ZNF804B: variants seen among roughly 807,000 people sequenced by gnomAD.
ZNF804B encodes zinc finger 804B.
In ZNF804B, 80 loss-of-function variants were observed where a neutral mutation model predicts 101.4. The observed-to-expected ratio is 0.79, with a 90% CI of 0.66 to 0.95. The LOEUF is 0.95. ZNF804B is among the 40% of genes least tolerant of loss of function. The pLI, the probability that ZNF804B is intolerant of heterozygous loss-of-function variation, is 0.00. For synonymous variants in ZNF804B, 622 were observed against 558.8 expected (o/e 1.11, Z -1.59); for missense variants, 1,673 against 1,561.9 (o/e 1.07, Z -1.20).
intron 1 of ZNF804B, among the ~76,000 whole-genome samples, chr7:89,028,497 T>C (rs12539143): frequency 0.014 from 2,139 of 152,204 alleles, 26 homozygotes; most frequent in Admixed American, 0.042. Context: ...GGGTGGTGCA[T>C]TTGTGGGGCC....
chr7:89,119,595 T>A (rs908016913), intron 1 of ZNF804B, among the ~76,000 whole-genome samples: 2 of 152,220 alleles, frequency 1.3e-5, no homozygotes, highest in Non-Finnish European at 2.9e-5. Context: ...TATGCTTTTG[T>A]ATGTCTTTTC....
chr7:88,977,596 A>G (rs1348810726), intron 1 of ZNF804B, among the ~76,000 whole-genome samples: 2 of 151,170 alleles, frequency 1.3e-5, no homozygotes, highest in East Asian at 2.0e-4. Context: ...TAATGTCTCT[A>G]TTTTATCTCT....
chr7:88,934,870 C>G (rs1792942999), intron 1 of ZNF804B, among the ~76,000 whole-genome samples: 1 of 151,932 alleles, frequency 6.6e-6, no homozygotes, highest in Admixed American at 6.6e-5. Flanking sequence ...AGCGATCCCA[C>G]TACTGGGTAT....
At chr7:89,322,504 A>G (rs1790835688) in intron 2 of ZNF804B, among the ~76,000 whole-genome samples, 1 of 152,160 alleles carries the variant, frequency 6.6e-6, no homozygotes, top group Non-Finnish European at 1.5e-5. Context: ...TTCCTTTAAA[A>G]TATTAATAAA....
At chr7:89,251,861 GA>G (rs1789546446) in intron 2 of ZNF804B, among the ~76,000 whole-genome samples, 1 of 152,170 alleles carries the variant, frequency 6.6e-6, no homozygotes, top group African/African-American at 2.4e-5. Flanking sequence ...GCCATATGTA[GA>G]GGAATGAAAC....
chr7:89,004,243 A>G (rs1788337321), intron 1 of ZNF804B, among the ~76,000 whole-genome samples: 1 of 151,896 alleles, frequency 6.6e-6, no homozygotes, highest in Non-Finnish European at 1.5e-5. Context: ...AGCTACCATT[A>G]TAAGACAGAC....
At chr7:88,950,554 C>G (rs1793203060) in intron 1 of ZNF804B, among the ~76,000 whole-genome samples, 2 of 151,794 alleles carry the variant, frequency 1.3e-5, no homozygotes, top group Admixed American at 1.3e-4. Flanking sequence ...ACTTAATGCC[C>G]ATTTTCTTCT....
intron 1 of ZNF804B, among the ~76,000 whole-genome samples, chr7:89,062,480 T>C (rs1446808820): frequency 6.6e-6 from 1 of 152,146 alleles, no homozygotes; most frequent in African/African-American, 2.4e-5. Flanking sequence ...AAAATGACTT[T>C]TGTCATATTA....
At chr7:88,997,443 G>A (rs1475569237) in intron 1 of ZNF804B, among the ~76,000 whole-genome samples, 2 of 151,996 alleles carry the variant, frequency 1.3e-5, no homozygotes, top group Admixed American at 6.6e-5. Context: ...TTTTATCATA[G>A]AACAACAGAA....
intron 1 of ZNF804B, among the ~76,000 whole-genome samples, chr7:89,172,721 C>T (rs937382596): frequency 5.3e-5 from 8 of 152,118 alleles, no homozygotes; most frequent in Non-Finnish European, 1.2e-4. Flanking sequence ...AATTGTATCT[C>T]ACTTATAATT....
chr7:89,091,094 T>TA (rs1333369204), intron 1 of ZNF804B, among the ~76,000 whole-genome samples: 1 of 152,114 alleles, frequency 6.6e-6, no homozygotes, highest in South Asian at 2.1e-4. Flanking sequence ...CTTCATTTTT[T>TA]ATCAGTAAAT....
rs1791078462 is a variant in ZNF804B at position 89,335,969 on chromosome 7, C to T, written c.2987C>T (p.Ala996Val). 1 of 1,613,894 alleles carries T rather than the reference C, an allele frequency of 6.2e-7. No homozygotes were observed. Among genetic ancestry groups the T allele is most frequent in the East Asian group, 2.2e-5 (1 of 44,882 alleles). Residue 996 changes from alanine to valine, a missense_variant, in exon 4 of 4, where the codon GCA (alanine) becomes GTA (valine). Transcript: ENST00000333190. ...ASESRNDQDS[A>V]IPRTTEKDKS... ...GAGAGCAGAAATGATCAAGACAGTG[C>T]AATTCCAAGGACTACGGAGAAAGAC...
chr7:88,845,544 G>A (rs1374228044), intron 1 of ZNF804B, among the ~76,000 whole-genome samples: 1 of 151,900 alleles, frequency 6.6e-6, no homozygotes, highest in Non-Finnish European at 1.5e-5. Context: ...TTTTTCAAAT[G>A]GAACTGGCTA....
chr7:88,810,980 G>A (rs1317973756), intron 1 of ZNF804B, among the ~76,000 whole-genome samples: 2 of 151,646 alleles, frequency 1.3e-5, no homozygotes, highest in Non-Finnish European at 2.9e-5. Flanking sequence ...TTATGCCCAG[G>A]AGTTGCTTCT....
rs1424919722 is a variant in ZNF804B at position 89,337,302 on chromosome 7, C to T, written c.*270C>T. Among the ~76,000 whole-genome samples the T allele has an allele frequency of 1.3e-5, 2 of 151,896 alleles. No homozygotes were observed. Among genetic ancestry groups the T allele is most frequent in the African/African-American group, 4.8e-5 (2 of 41,362 alleles). ...GTTAAAGATTTGTTTTGGATGGGTTCTCGCATAATGTTATAAAATAGCAAC... is the reference window on the plus strand; with the variant it reads ...GTTAAAGATTTGTTTTGGATGGGTTTTCGCATAATGTTATAAAATAGCAAC... On this transcript the variant is annotated 3_prime_UTR_variant, in exon 4 of 4. Coordinates refer to ENST00000333190, the MANE Select transcript of ZNF804B (RefSeq NM_181646.5).
intron 2 of ZNF804B, among the ~76,000 whole-genome samples, chr7:89,260,205 G>A (rs777236692): frequency 3.3e-5 from 5 of 152,130 alleles, no homozygotes; most frequent in Non-Finnish European, 7.3e-5. Context: ...CATCGTTCTG[G>A]GGTTAGCAGC....
intron 1 of ZNF804B, among the ~76,000 whole-genome samples, chr7:88,822,051 A>G (rs1790990124): frequency 6.6e-6 from 1 of 152,182 alleles, no homozygotes; most frequent in Admixed American, 6.6e-5. Flanking sequence ...TGACTCCTGT[A>G]CAAATTAAGC....
rs536352754 is a variant in ZNF804B, at chr7:89,264,786, T to C, written c.249+46491T>C. The stretch of plus-strand genomic sequence containing the variant: ...TTAGAACTCACTTTGGGCTTCAATA[T>C]TGAACATCCAACTCTCACTGGCACA... On this transcript the variant is annotated intron_variant, in intron 2 of 3. Coordinates refer to ENST00000333190, the MANE Select transcript of ZNF804B (RefSeq NM_181646.5). Among the ~76,000 whole-genome samples, 28 of 152,296 alleles carry C rather than the reference T, an allele frequency of 1.8e-4. No homozygotes were observed. The East Asian group carries it at 5.2e-3, about 28-fold the overall frequency.
At chr7:88,777,977 AT>A (rs1449796895) in intron 1 of ZNF804B, among the ~76,000 whole-genome samples, 14 of 152,208 alleles carry the variant, frequency 9.2e-5, no homozygotes, top group Admixed American at 2.6e-4. Context: ...AAATATTTAT[AT>A]TCAACTCACA....
Sources: allele counts gnomAD v4.1 joint callset (sites outside exome capture counted in the v4.1 genomes callset), GRCh38; gene constraint gnomAD v4.1.1; transcripts MANE v1.5; gene names NCBI Gene and HGNC (gene_info 2026-07-23, HGNC 2026-07-21).